The following KSR2 variants were observed in gnomAD, a reference collection of about 807,000 sequenced individuals.
KSR2 encodes the protein kinase suppressor of ras 2.
KSR2 carries 25 observed loss-of-function variants against 107.8 expected under a neutral mutation model. That is an observed-to-expected ratio of 0.23 (90% CI 0.17 to 0.32). KSR2 has a LOEUF of 0.32. Ranked by LOEUF, KSR2 falls within the 10% of genes least tolerant of loss-of-function variation. The pLI is 1.00. For synonymous variants in KSR2, 480 were observed against 507.0 expected, an observed-to-expected ratio of 0.95 and a Z score of 0.71; for missense variants, 887 against 1,268.9, an observed-to-expected ratio of 0.70 and a Z score of 4.57.
At chr12:117,770,976 CAAAA>C (rs61641342) in intron 3 of KSR2, among the ~76,000 whole-genome samples, 17 of 66,230 alleles carry the variant, frequency 2.6e-4, no homozygotes, top group African/African-American at 8.5e-4. Flanking sequence ...GACTCCGTCT[CAAAA>C]AAAAAAAAAA....
At chr12:117,959,739 T>C (rs1055199763) in intron 1 of KSR2, among the ~76,000 whole-genome samples, 1 of 152,096 alleles carries the variant, frequency 6.6e-6, no homozygotes, top group Non-Finnish European at 1.5e-5. Flanking sequence ...GAGACCAGCC[T>C]GAGCAACATA....
chr12:117,639,653 T>TTATTATTATTAC (rs1462805153), intron 5 of KSR2, among the ~76,000 whole-genome samples: 2 of 139,010 alleles, frequency 1.4e-5, no homozygotes, highest in Non-Finnish European at 3.1e-5. Context: ...ATTATTATTA[T>TTATTATTATTAC]TATTATATTA....
chr12:117,597,239 C>T (rs561158505), intron 5 of KSR2, among the ~76,000 whole-genome samples: 2 of 152,148 alleles, frequency 1.3e-5, no homozygotes, highest in Non-Finnish European at 1.5e-5. Context: ...ATGCCCCAGC[C>T]CCGCCAAAGA....
intron 4 of KSR2, among the ~76,000 whole-genome samples, chr12:117,729,669 C>A (rs544897143): frequency 6.6e-6 from 1 of 152,114 alleles, no homozygotes; most frequent in Non-Finnish European, 1.5e-5. Context: ...ACCATTTAAC[C>A]ATGCATCCAT....
chr12:117,723,826 C>T (rs745973164), intron 4 of KSR2, among the ~76,000 whole-genome samples: 12 of 151,952 alleles, frequency 7.9e-5, no homozygotes, highest in East Asian at 1.9e-4. Context: ...AAATCTAATA[C>T]GGGATTTTTG....
intron 5 of KSR2, among the ~76,000 whole-genome samples, chr12:117,630,479 G>A (rs983425579): frequency 2.0e-5 from 3 of 152,176 alleles, no homozygotes; most frequent in Admixed American, 6.5e-5. Context: ...GTAGGCACTA[G>A]TGCACACAGA....
At chr12:117,646,868 C>T (rs989588397) in intron 5 of KSR2, among the ~76,000 whole-genome samples, 5 of 152,070 alleles carry the variant, frequency 3.3e-5, no homozygotes, top group African/African-American at 4.8e-5. Context: ...TCTCTGTCAG[C>T]AGCAAGGGTT....
chr12:117,549,761 A>C lies in KSR2; in HGVS notation c.1518+5408T>G, dbSNP rs1055514613. On this transcript the variant is annotated intron_variant, in intron 9 of 19. Transcript: ENST00000339824. ...CTAAGCACAGAAACAAAAACATAGG[A>C]GGTAACTAATCAATGTTATATGAAT... 9.2e-5 allele frequency among the ~76,000 whole-genome samples: 14 copies of C among 152,204 alleles called. No homozygotes were observed. In the East Asian group the frequency reaches 1.3e-3, roughly 15 times the overall value.
chr12:117,619,402 C>T (rs568556893), intron 5 of KSR2, among the ~76,000 whole-genome samples: 38 of 151,950 alleles, frequency 2.5e-4, no homozygotes, highest in African/African-American at 8.9e-4. Context: ...TGATGTTCCC[C>T]TTCCTGTGTG....
rs1555225286 is a variant in KSR2, at chr12:117,656,989, T to TATATAATAGG, written c.1171+10484_1171+10485insCCTATTATAT. ...ATATATATATATAATAGGATATATA[T>TATATAATAGG]ATATATATATATATATATATATATA... On this transcript the variant is annotated intron_variant, in intron 5 of 19. Transcript: ENST00000339824. 2.3e-3 allele frequency among the ~76,000 whole-genome samples: 85 copies of TATATAATAGG among 37,734 alleles called. 1 individual carries two copies. Among genetic ancestry groups the TATATAATAGG allele is most frequent in the African/African-American group, 4.3e-3 (59 of 13,808 alleles). The allele number at this position is 37,734 out of a possible 152,430, so 24.8% of individuals were successfully genotyped here.
intron 14 of KSR2, among the ~76,000 whole-genome samples, chr12:117,492,346 A>G (rs1093304): frequency 0.83 from 126,011 of 152,298 alleles, 52,808 homozygotes; most frequent in East Asian, 0.98. Flanking sequence ...CAAAACAGTG[A>G]CTGGGACAGA....
chr12:117,833,869 C>T (rs1470191982), intron 3 of KSR2, among the ~76,000 whole-genome samples: 3 of 152,040 alleles, frequency 2.0e-5, no homozygotes, highest in Admixed American at 2.0e-4. Flanking sequence ...GAACCGGCAA[C>T]ACCTGGCGGG....
In KSR2 at chr12:117,952,676, AAAC is replaced by A. The variant is rs548708017; in HGVS notation, c.180+15397_180+15399del. Among the ~76,000 whole-genome samples the A allele has an allele frequency of 3.0e-4, 45 of 151,468 alleles. 1 individual carries two copies. The South Asian group carries it at 4.8e-3, about 16-fold the overall frequency. On this transcript the variant is annotated intron_variant, in intron 1 of 19. Coordinates refer to ENST00000339824, the MANE Select transcript of KSR2 (RefSeq NM_173598.6). ...AGGCAATAGCAAGACTCTGTCTCAA[AAAC>A]AACAACAACAACAACAACTTTTGGC...
intron 5 of KSR2, among the ~76,000 whole-genome samples, chr12:117,646,827 C>G (rs1381614663): frequency 6.6e-6 from 1 of 152,162 alleles, no homozygotes; most frequent in Non-Finnish European, 1.5e-5. Flanking sequence ...TCCCTCCCTC[C>G]CGCAGTCCCC....
chr12:117,952,109 T>C (rs1158657624), intron 1 of KSR2, among the ~76,000 whole-genome samples: 3 of 151,954 alleles, frequency 2.0e-5, no homozygotes, highest in Non-Finnish European at 4.4e-5. Context: ...AATAATACTA[T>C]ACTGCATACT....
Position 117,782,833 on chromosome 12 carries a change from A to G in KSR2, c.473-21309T>C, listed in dbSNP as rs189065048. 2.0e-3 allele frequency among the ~76,000 whole-genome samples: 300 copies of G among 152,310 alleles called. 2 individuals carry two copies. The highest frequency in any genetic ancestry group is 7.0e-3 in the African/African-American group (293 of 41,562). ...TCAACTTGAGCAAGAAAAAGAAGAA[A>G]ACAGGAAAGGCTGTAGGGTAAGAAT... On this transcript the variant is annotated intron_variant, in intron 3 of 19. Coordinates refer to ENST00000339824, the MANE Select transcript of KSR2 (RefSeq NM_173598.6).
rs1480838115 is a variant in KSR2 at position 117,789,653 on chromosome 12, T to TTC, written c.473-28130_473-28129insGA. Among the ~76,000 whole-genome samples the TTC allele has an allele frequency of 1.4e-3, 207 of 152,336 alleles. 1 individual carries two copies. Among genetic ancestry groups the TTC allele is most frequent in the African/African-American group, 4.6e-3 (193 of 41,586 alleles). On this transcript the variant is annotated intron_variant, in intron 3 of 19. Transcript: ENST00000339824. ...CTTCCTGCCACCTTGCATGCTGGCC[T>TTC]CTTTCCTATCCTTCAGTCCCTCCCT...
chr12:117,738,418 T>C (rs989147285), intron 4 of KSR2, among the ~76,000 whole-genome samples: 3 of 152,232 alleles, frequency 2.0e-5, no homozygotes, highest in African/African-American at 7.2e-5. Context: ...CGTAGCCTAC[T>C]ATCCCCCCAG....
intron 4 of KSR2, among the ~76,000 whole-genome samples, chr12:117,669,787 G>A (rs1358575516): frequency 6.6e-6 from 1 of 152,084 alleles, no homozygotes; most frequent in Non-Finnish European, 1.5e-5. Context: ...AGGATCACTA[G>A]AGACCAGGAG....
Sources: allele counts gnomAD v4.1 joint callset (sites outside exome capture counted in the v4.1 genomes callset), GRCh38; gene constraint gnomAD v4.1.1; transcripts MANE v1.5; gene names NCBI Gene and HGNC (gene_info 2026-07-23, HGNC 2026-07-21).